Variants in PTPRD observed in about 807,000 individuals in gnomAD.
PTPRD encodes the protein protein tyrosine phosphatase receptor type D.
A neutral mutation model predicts 214.5 loss-of-function variants in PTPRD; 34 were observed. That is an observed-to-expected ratio of 0.16 (90% CI 0.12 to 0.21). The LOEUF (loss-of-function observed/expected upper bound fraction) is 0.21. Among genes scored for constraint, PTPRD ranks in the 10% least tolerant of loss-of-function variants. The probability of loss-of-function intolerance (pLI) is 1.00; values close to 1 mark genes in which losing one functional copy is unlikely to be tolerated. For missense variants in PTPRD, 2,545 were observed against 2,398.7 expected, an observed-to-expected ratio of 1.06 and a Z score of -1.27; for synonymous variants, 1,128 against 845.7, an observed-to-expected ratio of 1.33 and a Z score of -5.79.
intron 8 of PTPRD, among the ~76,000 whole-genome samples, chr9:9,514,435 G>C (rs13287953): frequency 6.6e-6 from 1 of 152,074 alleles, no homozygotes; most frequent in East Asian, 1.9e-4. Flanking sequence ...TAGAGCAAAA[G>C]ACAAGTACTT....
intron 9 of PTPRD, among the ~76,000 whole-genome samples, chr9:9,267,232 A>C (rs903982902): frequency 6.6e-6 from 1 of 151,354 alleles, no homozygotes; most frequent in Non-Finnish European, 1.5e-5. Context: ...AAGAGACATT[A>C]CAATTGGTAT....
intron 39 of PTPRD, among the ~76,000 whole-genome samples, chr9:8,353,529 T>G (rs2076079556): frequency 6.6e-6 from 1 of 151,952 alleles, no homozygotes; most frequent in Non-Finnish European, 1.5e-5. Context: ...GTTTCCTGGG[T>G]TCAAGTGATT....
chr9:8,981,242 G>A (rs2099311247), intron 11 of PTPRD, among the ~76,000 whole-genome samples: 1 of 151,904 alleles, frequency 6.6e-6, no homozygotes, highest in East Asian at 1.9e-4. Flanking sequence ...AAAAAAAGAA[G>A]CTAGTACTAC....
chr9:9,663,574 G>C (rs1478587942), intron 7 of PTPRD, among the ~76,000 whole-genome samples: 1 of 151,380 alleles, frequency 6.6e-6, no homozygotes, highest in African/African-American at 2.4e-5. Flanking sequence ...TCCCATAATA[G>C]TGAACAATGT....
At chr9:8,414,163 G>A (rs2093724553) in intron 35 of PTPRD, among the ~76,000 whole-genome samples, 1 of 151,784 alleles carries the variant, frequency 6.6e-6, no homozygotes, top group Non-Finnish European at 1.5e-5. Context: ...GTGTGATGAT[G>A]AAACAAATAT....
chr9:8,637,876 A>G (rs1336295180), intron 12 of PTPRD, among the ~76,000 whole-genome samples: 1 of 152,190 alleles, frequency 6.6e-6, no homozygotes, highest in Non-Finnish European at 1.5e-5. Flanking sequence ...ATGCAATAAT[A>G]AGCCACAAAA....
At position 8,389,216 on chromosome 9, in the gene PTPRD, G is replaced by A. The variant is rs767231982; in HGVS notation, c.4386+16C>T. 25 of 1,593,544 alleles carry A rather than the reference G, an allele frequency of 1.6e-5. No individual in the cohort carries two copies. The highest frequency in any genetic ancestry group is 1.7e-4 in the Middle Eastern group (1 of 5,960). ...GGAAAATTTTTAAAAGGAAAGAGGT[G>A]GATACTTATTCTTACCCTTGATCTT... On this transcript the variant is annotated intron_variant, in intron 37 of 45. Transcript: ENST00000381196.
intron 9 of PTPRD, among the ~76,000 whole-genome samples, chr9:9,337,147 C>G (rs2044844847): frequency 6.6e-6 from 1 of 152,100 alleles, no homozygotes. Context: ...GGAATGCTTT[C>G]TGAGAAAGAA....
At chr9:9,322,580 A>G (rs1317274273) in intron 9 of PTPRD, among the ~76,000 whole-genome samples, 3 of 152,190 alleles carry the variant, frequency 2.0e-5, no homozygotes, top group African/African-American at 7.2e-5. Flanking sequence ...TTTATACAGC[A>G]GCAAATGTCT....
intron 12 of PTPRD, among the ~76,000 whole-genome samples, chr9:8,727,438 T>A (rs914233325): frequency 2.6e-5 from 4 of 152,160 alleles, no homozygotes; most frequent in African/African-American, 9.7e-5. Flanking sequence ...TTTAGCTACT[T>A]TAAAGTGAGG....
chr9:8,322,436 C>T (rs1829325154), intron 44 of PTPRD, among the ~76,000 whole-genome samples: 2 of 152,172 alleles, frequency 1.3e-5, no homozygotes, highest in Non-Finnish European at 2.9e-5. Context: ...AACAGCTTTA[C>T]TGCTGATATG....
At chr9:9,180,585 C>G (rs2099927649) in intron 10 of PTPRD, among the ~76,000 whole-genome samples, 2 of 151,974 alleles carry the variant, frequency 1.3e-5, no homozygotes, top group African/African-American at 4.8e-5. Flanking sequence ...TACTCTAAAA[C>G]TTAAAGTATA....
intron 11 of PTPRD, among the ~76,000 whole-genome samples, chr9:8,878,478 TTGA>T (rs908616870): frequency 1.1e-4 from 17 of 152,162 alleles, no homozygotes; most frequent in African/African-American, 4.1e-4. Context: ...AAGTGCTCTG[TTGA>T]TTATTATCAA....
intron 8 of PTPRD, among the ~76,000 whole-genome samples, chr9:9,539,037 C>T (rs1174559484): frequency 6.6e-6 from 1 of 151,476 alleles, no homozygotes; most frequent in Non-Finnish European, 1.5e-5. Flanking sequence ...GTATGCCAGA[C>T]AAAAATTAAA....
chr9:9,738,338 C>T (rs146306379), intron 6 of PTPRD, among the ~76,000 whole-genome samples: 153 of 151,712 alleles, frequency 1.0e-3, no homozygotes, highest in African/African-American at 3.5e-3. Flanking sequence ...TAATGTTTGT[C>T]TCCCTAATGA....
chr9:9,233,012 G>A (rs567245377), intron 9 of PTPRD, among the ~76,000 whole-genome samples: 32 of 152,182 alleles, frequency 2.1e-4, no homozygotes, highest in African/African-American at 7.5e-4. Context: ...TCCAATAATA[G>A]CTCTTAAGAC....
intron 2 of PTPRD, among the ~76,000 whole-genome samples, chr9:10,592,868 T>G (rs541620687): frequency 1.2e-4 from 18 of 151,858 alleles, no homozygotes; most frequent in South Asian, 4.2e-4. Context: ...CGGGGACTAA[T>G]AAGGAAATAA....
chr9:8,576,670 G>T (rs1461296003), intron 14 of PTPRD, among the ~76,000 whole-genome samples: 1 of 147,462 alleles, frequency 6.8e-6, no homozygotes, highest in African/African-American at 2.5e-5. Context: ...GCATATCCGT[G>T]TCTCTTTCCT....
intron 8 of PTPRD, among the ~76,000 whole-genome samples, chr9:9,431,910 G>A (rs1196503756): frequency 9.2e-6 from 1 of 109,152 alleles, no homozygotes; most frequent in East Asian, 3.3e-4. Context: ...TTGTGGGGTG[G>A]GGGGAGGGGG....
Sources: allele counts gnomAD v4.1 joint callset (sites outside exome capture counted in the v4.1 genomes callset), GRCh38; gene constraint gnomAD v4.1.1; transcripts MANE v1.5; gene names NCBI Gene and HGNC (gene_info 2026-07-23, HGNC 2026-07-21).